The following NTM variants were observed in gnomAD, a reference collection of about 807,000 sequenced individuals.
The protein encoded by NTM is neurotrimin, also known as IgLON family member 2.
Under a neutral mutation model 42.1 loss-of-function variants are expected in NTM, and 13 were observed. The observed-to-expected ratio is 0.31, with a 90% confidence interval of 0.20 to 0.49. NTM has a LOEUF of 0.49. Among genes scored for constraint, NTM ranks in the 20% least tolerant of loss-of-function variants. The probability of loss-of-function intolerance (pLI) is 0.99; values close to 1 mark genes in which losing one functional copy is unlikely to be tolerated. For synonymous variants in NTM, 187 were observed against 179.2 expected (o/e 1.04, Z -0.35); for missense variants, 373 against 452.8 (o/e 0.82, Z 1.60).
intron 1 of NTM, among the ~76,000 whole-genome samples, chr11:131,857,987 A>C (rs873223): frequency 0.8 from 120,232 of 151,072 alleles, 48,247 homozygotes; most frequent in African/African-American, 0.88. Flanking sequence ...TGTCTCCCCC[A>C]ATTTCCTTCA....
rs2069402924 is a variant in NTM at position 132,002,054 on chromosome 11, T to A, written c.167+90406T>A. 6.6e-6 allele frequency among the ~76,000 whole-genome samples: 1 copy of A among 152,040 alleles called. No individual in the cohort carries two copies. Reference sequence around the variant, plus strand: ...AGGGACAGCCAAAGAGGAATCAGAATCAGTTAATGAATTAGGCTCACAGGG... The same window carrying A: ...AGGGACAGCCAAAGAGGAATCAGAAACAGTTAATGAATTAGGCTCACAGGG... On this transcript the variant is annotated intron_variant, in intron 2 of 8. Coordinates refer to ENST00000683400, the MANE Select transcript of NTM (RefSeq NM_001352005.2). This position sits in a 1 kb window ranked among gnomAD's most constrained non-coding sequence, Gnocchi z 4.5.
chr11:132,012,061 C>T (rs1340364065), intron 2 of NTM, among the ~76,000 whole-genome samples: 2 of 152,124 alleles, frequency 1.3e-5, no homozygotes, highest in African/African-American at 4.8e-5. Context: ...TAGGAAGCTC[C>T]TTGAGGGCAG....
chr11:131,722,204 T>G (rs1056341039), intron 1 of NTM, among the ~76,000 whole-genome samples: 1 of 152,146 alleles, frequency 6.6e-6, no homozygotes, highest in Non-Finnish European at 1.5e-5. Flanking sequence ...CTGGTCTCTA[T>G]CAAAACCACT....
intron 1 of NTM, among the ~76,000 whole-genome samples, chr11:131,727,510 G>T (rs2079106426): frequency 1.3e-5 from 2 of 151,636 alleles, no homozygotes; most frequent in Admixed American, 1.3e-4. Context: ...TGCTGATTAG[G>T]TGAGTTAGAG....
At chr11:131,892,915 C>T (rs149579206) in intron 1 of NTM, among the ~76,000 whole-genome samples, 1 of 152,326 alleles carries the variant, frequency 6.6e-6, no homozygotes, top group East Asian at 1.9e-4. Context: ...GCTGTTCTTC[C>T]CTGGGAACAG....
At chr11:131,447,613 TG>T in intron 1 of NTM, among the ~76,000 whole-genome samples, 1 of 152,180 alleles carries the variant, frequency 6.6e-6, no homozygotes, top group Non-Finnish European at 1.5e-5. Flanking sequence ...TGTTTGTATT[TG>T]TATTTGTTTC....
chr11:132,287,816 G>C (rs1012318119), intron 4 of NTM, among the ~76,000 whole-genome samples: 1 of 152,138 alleles, frequency 6.6e-6, no homozygotes. Flanking sequence ...TACAATTTTG[G>C]GTCGGTATGC....
intron 3 of NTM, among the ~76,000 whole-genome samples, chr11:132,186,563 C>T (rs2138157816): frequency 6.6e-6 from 1 of 152,260 alleles, no homozygotes; most frequent in Non-Finnish European, 1.5e-5. Context: ...AGACAGCCTG[C>T]TTTTTAAATT....
intron 1 of NTM, among the ~76,000 whole-genome samples, chr11:131,539,985 A>C (rs1040536981): frequency 7.2e-5 from 11 of 152,116 alleles, no homozygotes; most frequent in Non-Finnish European, 1.5e-4. Flanking sequence ...GCAGGCGGGC[A>C]GTTGGTCACC....
rs556507729 is a variant in NTM, at chr11:131,750,258, C to G, written c.83-161306C>G. On this transcript the variant is annotated intron_variant, in intron 1 of 8. Transcript: ENST00000683400. ...CCACCTTTGTCCAGGATCTACACAT[C>G]TGTGTGTGGTGTCCCTGGATCCTCC... 5.9e-5 allele frequency among the ~76,000 whole-genome samples: 9 copies of G among 152,366 alleles called. No individual in the cohort carries two copies. The South Asian group carries it at 1.7e-3, about 28-fold the overall frequency.
Position 131,374,383 on chromosome 11 carries a change from T to A in NTM, c.82+3495T>A, listed in dbSNP as rs552631134. On this transcript the variant is annotated intron_variant, in intron 1 of 8. Transcript: ENST00000683400. Reference sequence around the variant, plus strand: ...GCAGGTCTCGCTGCATGAAGACCATTCTTGAAACTGCAGCTTTAGTTACCA... The same window carrying A: ...GCAGGTCTCGCTGCATGAAGACCATACTTGAAACTGCAGCTTTAGTTACCA... 1.7e-4 allele frequency among the ~76,000 whole-genome samples: 26 copies of A among 152,320 alleles called. 1 individual carries two copies. The South Asian group carries it at 5.0e-3, about 29-fold the overall frequency.
At chr11:131,583,120 G>C (rs1485279890) in intron 1 of NTM, among the ~76,000 whole-genome samples, 2 of 152,162 alleles carry the variant, frequency 1.3e-5, no homozygotes, top group Non-Finnish European at 2.9e-5. Context: ...CACTGTACCA[G>C]GAAGCTGCCT....
intron 3 of NTM, among the ~76,000 whole-genome samples, chr11:132,188,444 G>C (rs1386883785): frequency 6.6e-6 from 1 of 152,084 alleles, no homozygotes; most frequent in Non-Finnish European, 1.5e-5. Flanking sequence ...TCTCCTCCCA[G>C]ACTCCAGGGC....
At chr11:131,680,725 T>TCGG (rs1565415159) in intron 1 of NTM, among the ~76,000 whole-genome samples, 1 of 9,374 alleles carries the variant, frequency 1.1e-4, no homozygotes, top group African/African-American at 3.1e-4. Flanking sequence ...GTGCATATGT[T>TCGG]TGCATAGGCA....
intron 8 of NTM, chr11:132,332,133 T>G (rs1271522820): frequency 1.3e-5 from 2 of 152,214 alleles, no homozygotes; most frequent in African/African-American, 4.8e-5. Context: ...CAAGGTCCAA[T>G]TGGTGAACAT....
At chr11:132,240,098 A>G (rs1483383977) in intron 4 of NTM, among the ~76,000 whole-genome samples, 3 of 150,926 alleles carry the variant, frequency 2.0e-5, no homozygotes, top group Non-Finnish European at 2.9e-5. Flanking sequence ...TCCATCCACA[A>G]ACATTTGCTT....
chr11:131,839,858 A>G (rs534415811), intron 1 of NTM, among the ~76,000 whole-genome samples: 5 of 152,220 alleles, frequency 3.3e-5, no homozygotes, highest in Non-Finnish European at 7.3e-5. Context: ...AACCATTGGG[A>G]GATAGTCAGT....
intron 2 of NTM, among the ~76,000 whole-genome samples, chr11:132,137,354 C>G (rs1454049394): frequency 6.6e-6 from 1 of 152,192 alleles, no homozygotes; most frequent in Non-Finnish European, 1.5e-5. Flanking sequence ...AGGGCTGTCC[C>G]CTGGAGAAGA....
intron 2 of NTM, among the ~76,000 whole-genome samples, chr11:131,980,098 A>G (rs1198173799): frequency 6.6e-6 from 1 of 152,208 alleles, no homozygotes; most frequent in Non-Finnish European, 1.5e-5. Context: ...GAGGAATGAG[A>G]ACTGTAGGGA....
Sources: gnomAD v4.1 joint callset for allele counts (sites outside exome capture counted in the v4.1 genomes callset) on GRCh38, gnomAD v4.1.1 for gene constraint, Gnocchi (gnomAD v3.1) non-coding constraint, MANE v1.5 for transcripts, NCBI Gene and HGNC (gene_info 2026-07-23, HGNC 2026-07-21) for gene names.